GBE1: variants seen among roughly 807,000 people sequenced by gnomAD.
GBE1 encodes the protein 1,4-alpha-glucan-branching enzyme.
Under a neutral mutation model 88.8 loss-of-function variants are expected in GBE1, and 70 were observed. The ratio of observed to expected loss-of-function variants is 0.79; its 90% confidence interval spans 0.65 to 0.96. GBE1 has a LOEUF of 0.96. GBE1 is among the 40% of genes least tolerant of loss of function. GBE1 has a pLI of 0.00. For synonymous variants in GBE1, 284 were observed against 300.1 expected (o/e 0.95, Z 0.56); for missense variants, 872 against 871.0 (o/e 1.00, Z -0.01).
intron 1 of GBE1, among the ~76,000 whole-genome samples, chr3:81,729,250 G>A (rs946769244): frequency 6.6e-6 from 1 of 152,134 alleles, no homozygotes; most frequent in Admixed American, 6.6e-5. Context: ...GAACTCCAAA[G>A]TCACTTGTTC....
intron 14 of GBE1, among the ~76,000 whole-genome samples, chr3:81,533,595 G>T (rs1344625915): frequency 6.6e-6 from 1 of 152,030 alleles, no homozygotes; most frequent in Non-Finnish European, 1.5e-5. Context: ...TCTTCTTACT[G>T]TCAGAGTAAA....
chr3:81,706,606 AT>A (rs1428173945), intron 1 of GBE1, among the ~76,000 whole-genome samples: 1 of 152,208 alleles, frequency 6.6e-6, no homozygotes, highest in Non-Finnish European at 1.5e-5. Context: ...TCCCAGAAAG[AT>A]GGCAGGAATC....
At chr3:81,556,276 A>G (rs1390898252) in intron 12 of GBE1, among the ~76,000 whole-genome samples, 1 of 152,100 alleles carries the variant, frequency 6.6e-6, no homozygotes, top group Non-Finnish European at 1.5e-5. Context: ...TTTAAACAAT[A>G]TAAACAAAGC....
chr3:81,613,486 G>A (rs1349823720), intron 7 of GBE1, among the ~76,000 whole-genome samples: 1 of 151,882 alleles, frequency 6.6e-6, no homozygotes, highest in African/African-American at 2.4e-5. Flanking sequence ...GTGTCTCTAT[G>A]TGAATATGGA....
chr3:81,514,475 G>A (rs567751420), intron 14 of GBE1, among the ~76,000 whole-genome samples: 2 of 151,498 alleles, frequency 1.3e-5, no homozygotes, highest in South Asian at 4.2e-4. Context: ...TTATTTATAG[G>A]AATTAATTAG....
chr3:81,507,355 G>A (rs1424102268), intron 14 of GBE1, among the ~76,000 whole-genome samples: 1 of 152,128 alleles, frequency 6.6e-6, no homozygotes, highest in Non-Finnish European at 1.5e-5. Context: ...ACGAGGTCAG[G>A]AGATCGAGAC....
At chr3:81,614,801 G>A (rs1704227625) in intron 7 of GBE1, among the ~76,000 whole-genome samples, 2 of 152,184 alleles carry the variant, frequency 1.3e-5, no homozygotes, top group Non-Finnish European at 2.9e-5. Context: ...GGAGGTTGCA[G>A]TGAGCCAAGA....
At chr3:81,693,584 C>G (rs879459333) in intron 2 of GBE1, among the ~76,000 whole-genome samples, 2 of 152,108 alleles carry the variant, frequency 1.3e-5, no homozygotes, top group East Asian at 3.9e-4. Context: ...CCAAGACTTA[C>G]TTAACACAGT....
chr3:81,691,166 GA>G (rs1235071110), intron 2 of GBE1, among the ~76,000 whole-genome samples: 2 of 152,024 alleles, frequency 1.3e-5, no homozygotes, highest in African/African-American at 4.8e-5. Context: ...TTCAGCCTCT[GA>G]AAGTGAATGA....
intron 1 of GBE1, among the ~76,000 whole-genome samples, chr3:81,739,474 C>A (rs1706317779): frequency 6.6e-6 from 1 of 152,164 alleles, no homozygotes. Flanking sequence ...CCTATTACCT[C>A]CAACTAGCCA....
rs115287121 is a variant in GBE1, at chr3:81,732,272, C to T, written c.144-26659G>A. Among the ~76,000 whole-genome samples the T allele has an allele frequency of 7.1e-3, 1,075 of 152,186 alleles. 11 individuals carry two copies. The highest frequency in any genetic ancestry group is 9.7e-3 in the Non-Finnish European group (661 of 67,998). ...TCCCTCAAAAATATGATATACTAGA[C>T]TATAATACAGCATATTTTATATTAG... On this transcript the variant is annotated intron_variant, in intron 1 of 15. Transcript: ENST00000429644.
chr3:81,724,919 T>C (rs1706086838), intron 1 of GBE1, among the ~76,000 whole-genome samples: 1 of 152,222 alleles, frequency 6.6e-6, no homozygotes. Flanking sequence ...CATCTGCATC[T>C]CACTCAACTG....
chr3:81,521,069 C>T (rs1702867489), intron 14 of GBE1, among the ~76,000 whole-genome samples: 1 of 151,512 alleles, frequency 6.6e-6, no homozygotes, highest in Non-Finnish European at 1.5e-5. Context: ...TCCAAAACAG[C>T]TCCCCTTCCA....
chr3:81,493,457 AATG>A (rs1268587764), intron 15 of GBE1, among the ~76,000 whole-genome samples: 1 of 152,056 alleles, frequency 6.6e-6, no homozygotes, highest in Non-Finnish European at 1.5e-5. Flanking sequence ...ATAATTACAT[AATG>A]ATAATTTAGA....
chr3:81,579,992 T>C (rs550454714), intron 11 of GBE1, among the ~76,000 whole-genome samples: 85 of 152,268 alleles, frequency 5.6e-4, no homozygotes, highest in Non-Finnish European at 1.0e-3. Context: ...ATTTGGCCCA[T>C]GGGCCTTGAT....
At chr3:81,672,926 G>A (rs184954333) in intron 2 of GBE1, among the ~76,000 whole-genome samples, 150 of 151,722 alleles carry the variant, frequency 9.9e-4, no homozygotes, top group African/African-American at 2.5e-3. Context: ...TGAATACCGG[G>A]GGTAAAACAG....
chr3:81,735,303 T>A (rs931868044), intron 1 of GBE1, among the ~76,000 whole-genome samples: 2 of 152,202 alleles, frequency 1.3e-5, no homozygotes, highest in African/African-American at 4.8e-5. Flanking sequence ...GAGATTGAAG[T>A]CTTTGAAGGT....
chr3:81,703,088 T>C (rs1705724121), intron 2 of GBE1, among the ~76,000 whole-genome samples: 1 of 151,874 alleles, frequency 6.6e-6, no homozygotes, highest in Admixed American at 6.6e-5. Context: ...ACTTAAACAT[T>C]CTCAATATCC....
chr3:81,527,099 G>A (rs1254320531), intron 14 of GBE1, among the ~76,000 whole-genome samples: 1 of 152,026 alleles, frequency 6.6e-6, no homozygotes, highest in Non-Finnish European at 1.5e-5. Flanking sequence ...TGACAAATCT[G>A]ACAAAAACAA....
Sources: allele counts gnomAD v4.1 joint callset (sites outside exome capture counted in the v4.1 genomes callset), GRCh38; gene constraint gnomAD v4.1.1; transcripts MANE v1.5; gene names NCBI Gene and HGNC (gene_info 2026-07-23, HGNC 2026-07-21).